The following COL25A1 variants were observed in gnomAD, a reference collection of about 807,000 sequenced individuals.
The protein encoded by COL25A1 is collagen type XXV alpha 1 chain.
Under a neutral mutation model 128.4 loss-of-function variants are expected in COL25A1, and 103 were observed. That is an observed-to-expected ratio of 0.80 (90% CI 0.68 to 0.94). The LOEUF is 0.94. Ranked by LOEUF, COL25A1 falls within the 40% of genes least tolerant of loss-of-function variation. The pLI is 0.00. For missense variants in COL25A1, 745 were observed against 840.0 expected (o/e 0.89, Z 1.40); for synonymous variants, 279 against 277.2 (o/e 1.01, Z -0.06).
intron 13 of COL25A1, among the ~76,000 whole-genome samples, chr4:108,911,795 C>T (rs906533457): frequency 6.9e-6 from 1 of 143,952 alleles, no homozygotes; most frequent in Non-Finnish European, 1.5e-5. Context: ...TAAACATTTG[C>T]TTCGCTGTTT....
intron 3 of COL25A1, among the ~76,000 whole-genome samples, chr4:109,258,534 GTT>G (rs2126252718): frequency 6.6e-6 from 1 of 152,182 alleles, no homozygotes; most frequent in African/African-American, 2.4e-5. Flanking sequence ...TGTTCAATAA[GTT>G]CTTTAAAAAT....
chr4:109,301,544 G>A (rs1725526590), intron 2 of COL25A1, among the ~76,000 whole-genome samples, 179 bp downstream of exon 2: 1 of 152,186 alleles, frequency 6.6e-6, no homozygotes, highest in Admixed American at 6.5e-5. Context: ...GACATCAAGG[G>A]ATGTGCACAT....
intron 3 of COL25A1, among the ~76,000 whole-genome samples, chr4:109,270,540 G>A (rs2126264420): frequency 1.3e-5 from 2 of 152,244 alleles, no homozygotes; most frequent in East Asian, 3.9e-4. Context: ...AATTCTTAAA[G>A]GGCAGGTCCT....
At chr4:109,177,323 T>C (rs567478570) in intron 3 of COL25A1, among the ~76,000 whole-genome samples, 1 of 152,286 alleles carries the variant, frequency 6.6e-6, no homozygotes, top group South Asian at 2.1e-4. Flanking sequence ...TAAAACGTAG[T>C]GTAAACAAAA....
At chr4:109,108,397 A>G (rs920208116) in intron 3 of COL25A1, among the ~76,000 whole-genome samples, 3 of 152,072 alleles carry the variant, frequency 2.0e-5, no homozygotes, top group Admixed American at 2.0e-4. Context: ...TCCATGGTAT[A>G]TATGTGCCAC....
chr4:109,247,787 T>C (rs1351599992), intron 3 of COL25A1, among the ~76,000 whole-genome samples: 2 of 151,880 alleles, frequency 1.3e-5, no homozygotes, highest in Non-Finnish European at 2.9e-5. Context: ...AAAGTAAAGA[T>C]TTGAGATTCA....
chr4:109,001,398 G>GCATCTGAGATCCTGTCAGGTAGT (rs1755376145), intron 6 of COL25A1, among the ~76,000 whole-genome samples: 8 of 152,288 alleles, frequency 5.3e-5, no homozygotes, highest in Non-Finnish European at 8.8e-5. Context: ...TGTCAGGTAG[G>GCATCTGAGATCCTGTCAGGTAGT]CATCTGAGAT....
chr4:108,860,527 C>T (rs1204872326), intron 23 of COL25A1, among the ~76,000 whole-genome samples: 2 of 152,076 alleles, frequency 1.3e-5, no homozygotes, highest in Non-Finnish European at 2.9e-5. Context: ...TTCTACCCTG[C>T]TTATTAGATC....
rs562369325 is a variant in COL25A1, at chr4:108,956,595, G to A, written c.493-15158C>T. On this transcript the variant is annotated intron_variant, in intron 8 of 37. Transcript: ENST00000399132. Reference sequence around the variant, plus strand: ...TAATTTTTGTATTTTTAGTAGAGACGGGGTTTCACCATGTTGGCCAGACTG... The same window carrying A: ...TAATTTTTGTATTTTTAGTAGAGACAGGGTTTCACCATGTTGGCCAGACTG... 3.9e-5 allele frequency among the ~76,000 whole-genome samples: 6 copies of A among 152,152 alleles called. No homozygotes were observed. In the South Asian group the frequency reaches 1.0e-3, roughly 26 times the overall value.
chr4:108,908,253 A>T (rs1743764985), intron 13 of COL25A1, among the ~76,000 whole-genome samples: 1 of 152,146 alleles, frequency 6.6e-6, no homozygotes, highest in Non-Finnish European at 1.5e-5. Flanking sequence ...TGTGAATTCA[A>T]GATTCACTAT....
intron 3 of COL25A1, among the ~76,000 whole-genome samples, chr4:109,114,117 T>A (rs1767299059): frequency 6.6e-6 from 1 of 152,036 alleles, no homozygotes; most frequent in African/African-American, 2.4e-5. Flanking sequence ...GAAACATCCT[T>A]CCCACAGGAT....
intron 16 of COL25A1, among the ~76,000 whole-genome samples, chr4:108,890,887 T>A (rs899580913): frequency 6.6e-6 from 1 of 152,174 alleles, no homozygotes; most frequent in African/African-American, 2.4e-5. Flanking sequence ...TGGCTTTGCC[T>A]CAAAGACCCC....
At chr4:108,874,208 CTT>C (rs1739154187) in intron 19 of COL25A1, among the ~76,000 whole-genome samples, 1 of 152,078 alleles carries the variant, frequency 6.6e-6, no homozygotes, top group Non-Finnish European at 1.5e-5. Flanking sequence ...GTCAATCAGA[CTT>C]CATAAAAATG....
chr4:108,996,549 A>T lies in COL25A1; in HGVS notation c.438+13809T>A, dbSNP rs986840068. Among the ~76,000 whole-genome samples, 7 of 152,286 alleles carry T rather than the reference A, an allele frequency of 4.6e-5. No homozygotes were observed. In the East Asian group the frequency reaches 1.4e-3, roughly 29 times the overall value. On this transcript the variant is annotated intron_variant, in intron 6 of 37. Coordinates refer to ENST00000399132, the MANE Select transcript of COL25A1 (RefSeq NM_198721.4). ...GAGATTTTAACACCCCACTGTCAAT[A>T]TTAGACAGATCAACAAGACAGAAGG...
chr4:109,156,324 C>T (rs1772030311), intron 3 of COL25A1, among the ~76,000 whole-genome samples: 1 of 152,206 alleles, frequency 6.6e-6, no homozygotes, highest in Admixed American at 6.5e-5. Context: ...GAGAACAACT[C>T]AAATACCGAA....
chr4:109,204,604 T>C (rs1363428496), intron 3 of COL25A1, among the ~76,000 whole-genome samples: 9 of 152,140 alleles, frequency 5.9e-5, no homozygotes, highest in African/African-American at 9.7e-5. Context: ...TTTAAGGAAA[T>C]AGAAACCATA....
intron 14 of COL25A1, among the ~76,000 whole-genome samples, 180 bp downstream of exon 14, chr4:108,900,938 GA>G (rs1289491610): frequency 6.6e-6 from 1 of 152,040 alleles, no homozygotes; most frequent in East Asian, 1.9e-4. Context: ...ATACTAATGA[GA>G]ATCACAAATA....
chr4:108,991,392 G>A (rs977991774), intron 6 of COL25A1, among the ~76,000 whole-genome samples: 5 of 152,080 alleles, frequency 3.3e-5, no homozygotes, highest in Non-Finnish European at 5.9e-5. Context: ...TAAATAAGCC[G>A]TTATACCATG....
rs373624092 is a variant in COL25A1, at chr4:109,076,774, C to G, written c.368-26595G>C. 1.8e-4 allele frequency among the ~76,000 whole-genome samples: 28 copies of G among 151,846 alleles called. No individual in the cohort carries two copies. The Middle Eastern group carries it at 0.024, about 129-fold the overall frequency. ...ATCTGGGGGTGATGGGAAACAGTGA[C>G]AGATCATCAGGCATTAGATTCTCAT... On this transcript the variant is annotated intron_variant, in intron 3 of 37. Transcript: ENST00000399132.
Sources: allele counts gnomAD v4.1 joint callset (sites outside exome capture counted in the v4.1 genomes callset), GRCh38; gene constraint gnomAD v4.1.1; transcripts MANE v1.5; gene names NCBI Gene and HGNC (gene_info 2026-07-23, HGNC 2026-07-21).